STPG2: variants seen among roughly 807,000 people sequenced by gnomAD.
The protein encoded by STPG2 is sperm tail PG-rich repeat containing 2, also known as sperm-tail PG-rich repeat-containing protein 2.
In STPG2, 56 loss-of-function variants were observed where a neutral mutation model predicts 54.2. The ratio of observed to expected loss-of-function variants is 1.03; its 90% CI spans 0.83 to 1.29. The LOEUF is 1.29. Among genes scored for constraint, STPG2 ranks in the 50% most tolerant of loss-of-function variants. STPG2 has a pLI of 0.00. For missense variants in STPG2, 596 were observed against 544.9 expected (o/e 1.09, Z -0.93); for synonymous variants, 200 against 181.8 (o/e 1.10, Z -0.81).
intron 10 of STPG2, among the ~76,000 whole-genome samples, chr4:97,709,002 C>T (rs1724034069): frequency 6.6e-6 from 1 of 151,674 alleles, no homozygotes; most frequent in Admixed American, 6.6e-5. Context: ...ACTAATTGCA[C>T]TACAGATTTT....
At chr4:97,687,115 T>C (rs1262188448) in intron 10 of STPG2, among the ~76,000 whole-genome samples, 2 of 151,452 alleles carry the variant, frequency 1.3e-5, no homozygotes, top group Non-Finnish European at 2.9e-5. Flanking sequence ...TAAATTTTTT[T>C]TTTATTTTTT....
At chr4:97,471,826 T>G (rs1389029275) in intron 4 of STPG2, among the ~76,000 whole-genome samples, 1 of 152,238 alleles carries the variant, frequency 6.6e-6, no homozygotes, top group Non-Finnish European at 1.5e-5. Flanking sequence ...AAACATTTTC[T>G]GAGTGTTTAT....
At chr4:98,111,498 T>C (rs1739346549) in intron 3 of STPG2, among the ~76,000 whole-genome samples, 1 of 151,988 alleles carries the variant, frequency 6.6e-6, no homozygotes, top group African/African-American at 2.4e-5. Context: ...CACAACAAAA[T>C]CCAAAAAGAA....
intron 5 of STPG2, among the ~76,000 whole-genome samples, chr4:97,981,534 A>G (rs80188095): frequency 0.012 from 1,776 of 152,242 alleles, 30 homozygotes; most frequent in African/African-American, 0.041. Context: ...GTAATGTATT[A>G]TGTGCCTTAC....
intron 3 of STPG2, among the ~76,000 whole-genome samples, chr4:98,118,344 T>C (rs923802444): frequency 2.0e-5 from 3 of 152,110 alleles, no homozygotes; most frequent in Admixed American, 6.5e-5. Context: ...TTGTAGAATC[T>C]CAACTCTTTT....
At chr4:97,620,285 T>C (rs1733978445) in intron 10 of STPG2, among the ~76,000 whole-genome samples, 1 of 152,208 alleles carries the variant, frequency 6.6e-6, no homozygotes, top group African/African-American at 2.4e-5. Flanking sequence ...TGCAGGAAAA[T>C]TCCCTTCTTT....
At chr4:98,132,948 TAAAAAAAAAAAAA>T (rs200375140) in intron 2 of STPG2, among the ~76,000 whole-genome samples, 1 of 101,572 alleles carries the variant, frequency 9.8e-6, no homozygotes, top group African/African-American at 3.5e-5. Flanking sequence ...TGAAATGAAC[TAAAAAAAAAAAAA>T]AAAAAAAAAA....
chr4:97,627,633 G>A (rs1017255950), intron 10 of STPG2, among the ~76,000 whole-genome samples: 1 of 152,046 alleles, frequency 6.6e-6, no homozygotes, highest in Non-Finnish European at 1.5e-5. Flanking sequence ...CCAAAAGTGG[G>A]TTTCCTTTCT....
At chr4:97,515,671 G>GT (rs1479080678) in intron 4 of STPG2, among the ~76,000 whole-genome samples, 3 of 151,532 alleles carry the variant, frequency 2.0e-5, no homozygotes, top group Non-Finnish European at 2.9e-5. Flanking sequence ...ATGCCATATT[G>GT]TTTTTTTTAA....
chr4:97,705,271 T>G (rs1022119074), intron 10 of STPG2, among the ~76,000 whole-genome samples: 21 of 152,148 alleles, frequency 1.4e-4, no homozygotes, highest in Admixed American at 7.2e-4. Flanking sequence ...CCCATTACTC[T>G]TTTATATTTC....
chr4:98,110,639 C>T (rs750713529), intron 3 of STPG2, among the ~76,000 whole-genome samples: 3 of 152,124 alleles, frequency 2.0e-5, no homozygotes, highest in Non-Finnish European at 2.9e-5. Context: ...AAATCACCTG[C>T]TGGGCCCTCT....
intron 5 of STPG2, among the ~76,000 whole-genome samples, chr4:98,074,511 T>C (rs1738099501): frequency 2.0e-5 from 3 of 152,246 alleles, no homozygotes; most frequent in Admixed American, 2.0e-4. Context: ...CTTCACATCA[T>C]ACTTCTGTCC....
chr4:97,687,177 C>T (rs1723220579), intron 10 of STPG2, among the ~76,000 whole-genome samples: 1 of 151,860 alleles, frequency 6.6e-6, no homozygotes, highest in Admixed American at 6.6e-5. Flanking sequence ...GTCTCGATCT[C>T]CCGACCTCGT....
chr4:98,037,674 A>G (rs990867325), intron 5 of STPG2, among the ~76,000 whole-genome samples: 8 of 152,072 alleles, frequency 5.3e-5, no homozygotes, highest in Admixed American at 1.3e-4. Context: ...ACACAAAAGA[A>G]TTAAAAAAGA....
chr4:98,072,665 C>G (rs1738042849), intron 5 of STPG2, among the ~76,000 whole-genome samples: 1 of 152,040 alleles, frequency 6.6e-6, no homozygotes, highest in Non-Finnish European at 1.5e-5. Context: ...ATAATGCATC[C>G]CCAACTGTGT....
intron 9 of STPG2, among the ~76,000 whole-genome samples, chr4:97,731,924 G>A (rs1371624380): frequency 6.6e-6 from 1 of 152,124 alleles, no homozygotes; most frequent in African/African-American, 2.4e-5. Context: ...GCCCCCATGG[G>A]GCCAAAATGC....
intron 10 of STPG2, among the ~76,000 whole-genome samples, chr4:97,601,057 G>A (rs1733446506): frequency 1.3e-5 from 2 of 151,998 alleles, no homozygotes; most frequent in Admixed American, 6.6e-5. Context: ...GGATAGGAGT[G>A]GGATGGATGA....
At chr4:97,963,188 AAAAC>A (rs1733957109) in intron 7 of STPG2, among the ~76,000 whole-genome samples, 1 of 130,700 alleles carries the variant, frequency 7.7e-6, no homozygotes, top group African/African-American at 2.8e-5. Flanking sequence ...AACAAACAAA[AAAAC>A]AATAATTATT....
At chr4:97,794,502 A>G (rs2149083347) in intron 9 of STPG2, among the ~76,000 whole-genome samples, 1 of 152,290 alleles carries the variant, frequency 6.6e-6, no homozygotes, top group East Asian at 1.9e-4. Flanking sequence ...AAAATATTTC[A>G]AAAAGAATAA....
Sources: allele counts gnomAD v4.1 joint callset (sites outside exome capture counted in the v4.1 genomes callset), GRCh38; gene constraint gnomAD v4.1.1; transcripts MANE v1.5; gene names NCBI Gene and HGNC (gene_info 2026-07-23, HGNC 2026-07-21).